The following ZNF536 variants were observed in gnomAD, a reference collection of about 807,000 sequenced individuals.
The protein encoded by ZNF536 is zinc finger protein 536.
A neutral mutation model predicts 84.5 loss-of-function variants in ZNF536; 13 were observed. That is an observed-to-expected ratio of 0.15 (90% CI 0.10 to 0.24). The LOEUF is 0.24. ZNF536 is among the 10% of genes least tolerant of loss of function. The pLI, the probability that ZNF536 is intolerant of heterozygous loss-of-function variation, is 1.00. For missense variants in ZNF536, 1,536 were observed against 1,747.5 expected (o/e 0.88, Z 2.16); for synonymous variants, 811 against 742.5 (o/e 1.09, Z -1.50).
intron 2 of ZNF536, among the ~76,000 whole-genome samples, chr19:30,338,482 A>AT (rs1212510931): frequency 8.7e-6 from 1 of 114,962 alleles, no homozygotes; most frequent in Non-Finnish European, 1.7e-5. Context: ...CAATGATGAT[A>AT]GTGATGATGA....
intron 1 of ZNF536, among the ~76,000 whole-genome samples, chr19:30,627,468 C>CATAAAAAAAAAAAAAAAAAAAAA: frequency 1.9e-5 from 1 of 52,050 alleles, no homozygotes; most frequent in Admixed American, 2.7e-4. Flanking sequence ...AAGGCCCTGT[C>CATAAAAAAAAAAAAAAAAAAAAA]AAAAAAAAAA....
At chr19:30,498,698 C>T (rs976225747) in intron 2 of ZNF536, among the ~76,000 whole-genome samples, 15 of 152,246 alleles carry the variant, frequency 9.9e-5, no homozygotes, top group Non-Finnish European at 1.3e-4. Flanking sequence ...AAATAAGAGG[C>T]GGAGTGGCTG....
intron 2 of ZNF536, among the ~76,000 whole-genome samples, chr19:30,458,136 G>A (rs769301438): frequency 3.3e-5 from 5 of 152,250 alleles, no homozygotes; most frequent in South Asian, 4.1e-4. Flanking sequence ...CTTTGGAGCC[G>A]GGCCCCACAC....
At chr19:30,480,546 C>A (rs1279183012) in intron 2 of ZNF536, among the ~76,000 whole-genome samples, 1 of 151,730 alleles carries the variant, frequency 6.6e-6, no homozygotes, top group Non-Finnish European at 1.5e-5. Flanking sequence ...CGGGGCCTGT[C>A]GTGGGGTAGG....
intron 2 of ZNF536, among the ~76,000 whole-genome samples, chr19:30,464,418 A>T (rs1043071208): frequency 2.0e-5 from 3 of 152,234 alleles, no homozygotes; most frequent in African/African-American, 7.2e-5. Flanking sequence ...TGCACATAAC[A>T]TAGGAATCTC....
At chr19:30,308,546 A>G (rs1189197326) in intron 2 of ZNF536, among the ~76,000 whole-genome samples, 1 of 152,102 alleles carries the variant, frequency 6.6e-6, no homozygotes, top group Non-Finnish European at 1.5e-5. Context: ...GCTCCAGGGC[A>G]GTGAGGGAGG....
upstream of ZNF536, among the ~76,000 whole-genome samples, chr19:30,227,769 A>G (rs2022702111): frequency 6.6e-6 from 1 of 151,864 alleles, no homozygotes; most frequent in South Asian, 2.1e-4. Context: ...CCGCTGTGCA[A>G]TTTAGCAGAA....
intron 2 of ZNF536, among the ~76,000 whole-genome samples, chr19:30,533,445 A>G (rs2044938955): frequency 6.6e-6 from 1 of 152,048 alleles, no homozygotes; most frequent in Admixed American, 6.5e-5. Flanking sequence ...CCTTGTGCCC[A>G]GGAGTTTGAA....
intron 4 of ZNF536, among the ~76,000 whole-genome samples, chr19:30,553,771 T>C (rs2045866997): frequency 6.6e-6 from 1 of 152,186 alleles, no homozygotes; most frequent in Non-Finnish European, 1.5e-5. Context: ...TCAAGGCCAC[T>C]GTGAGCTAGG....
Position 30,703,475 on chromosome 19 carries a change from A to C in ZNF536, c.170-7282A>C, listed in dbSNP as rs568364186. On this transcript the variant is annotated intron_variant, in intron 1 of 1. Coordinates refer to the ZNF536 transcript ENST00000592773. ...CCTCACCCACATCAAATTCTATCTCACATTTGCTGAACTTTCTCCCAGTGA... is the reference window on the plus strand; with the variant it reads ...CCTCACCCACATCAAATTCTATCTCCCATTTGCTGAACTTTCTCCCAGTGA... Among the ~76,000 whole-genome samples the C allele has an allele frequency of 2.6e-5, 4 of 152,202 alleles. No individual in the cohort carries two copies. The South Asian group carries it at 8.3e-4, about 32-fold the overall frequency.
chr19:30,677,550 A>G (rs2050796178), intron 1 of ZNF536, among the ~76,000 whole-genome samples: 2 of 152,346 alleles, frequency 1.3e-5, no homozygotes, highest in South Asian at 4.1e-4. Context: ...CCTGGCCCTC[A>G]GGCCCAGAGC....
chr19:30,534,797 A>G, intron 2 of ZNF536, 50 bp from the exon 3 acceptor site: 3 of 1,537,418 alleles, frequency 2.0e-6, no homozygotes, highest in African/African-American at 1.4e-5. Flanking sequence ...GGTGCGAACA[A>G]CTCCTGACAT....
intron 3 of ZNF536, among the ~76,000 whole-genome samples, chr19:30,357,985 C>T (rs886193929): frequency 6.6e-6 from 1 of 152,144 alleles, no homozygotes; most frequent in African/African-American, 2.4e-5. Context: ...GAGTTGCAGA[C>T]ATCTCCTGTT....
chr19:30,569,114 G>A (rs1360052335), intron 1 of ZNF536, among the ~76,000 whole-genome samples: 1 of 152,210 alleles, frequency 6.6e-6, no homozygotes, highest in Non-Finnish European at 1.5e-5. Context: ...AAAGCCCCTG[G>A]AGTGCTCAGA....
At chr19:30,457,773 G>A (rs866540623) in intron 2 of ZNF536, among the ~76,000 whole-genome samples, 9 of 152,280 alleles carry the variant, frequency 5.9e-5, no homozygotes, top group Middle Eastern at 3.4e-3. Flanking sequence ...CACTGGGAAG[G>A]AGGGCTCACA....
chr19:30,328,128 T>C (rs962534870), intron 2 of ZNF536, among the ~76,000 whole-genome samples: 1 of 152,142 alleles, frequency 6.6e-6, no homozygotes, highest in Non-Finnish European at 1.5e-5. Flanking sequence ...CTCATATTGG[T>C]TTATCAATGA....
intron 1 of ZNF536, among the ~76,000 whole-genome samples, chr19:30,440,367 C>G (rs936045631): frequency 6.6e-6 from 1 of 151,998 alleles, no homozygotes; most frequent in Non-Finnish European, 1.5e-5. Flanking sequence ...TGGACTTGTG[C>G]GAAGGCTGAG....
At chr19:30,252,999 T>C (rs893753363) in intron 1 of ZNF536, among the ~76,000 whole-genome samples, 3 of 152,206 alleles carry the variant, frequency 2.0e-5, no homozygotes, top group Non-Finnish European at 2.9e-5. Flanking sequence ...GTGATGGTGA[T>C]GGTGATGAGC....
chr19:30,422,654 C>G (rs999107639), intron 1 of ZNF536, among the ~76,000 whole-genome samples: 1 of 152,118 alleles, frequency 6.6e-6, no homozygotes, highest in African/African-American at 2.4e-5. Context: ...CATCATTTGC[C>G]CATTCCATCT....
Sources: gnomAD v4.1 joint callset for allele counts (sites outside exome capture counted in the v4.1 genomes callset) on GRCh38, gnomAD v4.1.1 for gene constraint, MANE v1.5 for transcripts, NCBI Gene and HGNC (gene_info 2026-07-23, HGNC 2026-07-21) for gene names.